The following PDE1C variants were observed in gnomAD, a reference collection of about 807,000 sequenced individuals.
PDE1C encodes the protein dual specificity calcium/calmodulin-dependent 3',5'-cyclic nucleotide phosphodiesterase 1C.
PDE1C carries 62 observed loss-of-function variants against 93.1 expected under a neutral mutation model. The observed-to-expected ratio is 0.67, with a 90% CI of 0.54 to 0.82. The LOEUF (loss-of-function observed/expected upper bound fraction) is 0.82. PDE1C is among the 40% of genes least tolerant of loss of function. PDE1C has a pLI of 0.00. For synonymous variants in PDE1C, 325 were observed against 310.1 expected (o/e 1.05, Z -0.50); for missense variants, 742 against 884.6 (o/e 0.84, Z 2.04).
chr7:31,658,139 T>G, the PDE1C span: 3 of 594,028 alleles, frequency 5.1e-6, no homozygotes, highest in East Asian at 9.4e-5. Flanking sequence ...CCTTGAGGGT[T>G]GCTCTGAACC....
chr7:31,816,295 T>G, intron 14 of PDE1C, 141 bp from the exon 15 acceptor site: 1 of 692,066 alleles, frequency 1.4e-6, no homozygotes. Context: ...ATTCATCAGA[T>G]TGGCATGTAT....
intron 2 of PDE1C, among the ~76,000 whole-genome samples, chr7:32,023,616 G>C (rs7802874): frequency 0.19 from 27,672 of 148,832 alleles, 4,113 homozygotes; most frequent in African/African-American, 0.41. Flanking sequence ...TCAGAATACT[G>C]GTATCTACAG....
intron 16 of PDE1C, among the ~76,000 whole-genome samples, chr7:31,798,709 A>C (rs1785613555): frequency 1.3e-5 from 2 of 151,748 alleles, no homozygotes; most frequent in Admixed American, 1.3e-4. Flanking sequence ...AACATCTTCT[A>C]TATCAAGGGG....
chr7:31,627,177 C>A, the PDE1C span, among the ~76,000 whole-genome samples: 1 of 152,152 alleles, frequency 6.6e-6, no homozygotes, highest in Admixed American at 6.5e-5. Context: ...CAGTATTCCC[C>A]GTTGTCCATG....
downstream of PDE1C, among the ~76,000 whole-genome samples, chr7:31,748,311 T>G (rs965714955): frequency 1.3e-5 from 2 of 152,222 alleles, no homozygotes; most frequent in Non-Finnish European, 2.9e-5. Flanking sequence ...CTTTACCTAG[T>G]GAGTCATAAG....
chr7:32,225,592 C>T (rs572053864), intron 1 of PDE1C, among the ~76,000 whole-genome samples: 1 of 152,208 alleles, frequency 6.6e-6, no homozygotes, highest in South Asian at 2.1e-4. Flanking sequence ...AATTTAAGCT[C>T]ACAACGAGAA....
intron 1 of PDE1C, among the ~76,000 whole-genome samples, chr7:32,313,069 C>T (rs975588398): frequency 2.0e-5 from 3 of 151,444 alleles, no homozygotes; most frequent in African/African-American, 4.9e-5. Flanking sequence ...AAAAAACAAA[C>T]AACCCCATCA....
At chr7:32,127,075 C>A (rs1198271420) in intron 3 of PDE1C, among the ~76,000 whole-genome samples, 1 of 152,178 alleles carries the variant, frequency 6.6e-6, no homozygotes. Context: ...ACAAAAAAGG[C>A]TGTCAATCCT....
Position 31,968,685 on chromosome 7 carries a change from C to T in PDE1C, c.128+82869G>A, listed in dbSNP as rs531559052. Among the ~76,000 whole-genome samples the T allele has an allele frequency of 3.0e-3, 451 of 152,268 alleles. 2 individuals are homozygous for T. Among genetic ancestry groups the T allele is most frequent in the Middle Eastern group, 0.02 (6 of 294 alleles). On this transcript the variant is annotated intron_variant, in intron 2 of 17. Transcript: ENST00000396191. ...TAAGCCAAAAGAACAAAGCTGGAGG[C>T]ATCATGCTACCTGACTTCAAACTAT...
At chr7:31,812,080 G>A (rs547977172) in intron 15 of PDE1C, among the ~76,000 whole-genome samples, 86 of 152,266 alleles carry the variant, frequency 5.6e-4, no homozygotes, top group Admixed American at 3.7e-3. Context: ...GAGACTTTCT[G>A]TGCAGTTATA....
intron 2 of PDE1C, among the ~76,000 whole-genome samples, chr7:31,981,570 T>C (rs759850484): frequency 3.9e-5 from 6 of 152,236 alleles, no homozygotes; most frequent in Non-Finnish European, 7.3e-5. Context: ...ATAAAGAATT[T>C]ATGAATTATG....
At chr7:32,176,663 T>C (rs1803010202) in intron 2 of PDE1C, among the ~76,000 whole-genome samples, 2 of 148,626 alleles carry the variant, frequency 1.3e-5, no homozygotes, top group Non-Finnish European at 3.0e-5. Flanking sequence ...CTACTGTATA[T>C]CATTAGAGAG....
chr7:31,977,015 G>A (rs1463080879), intron 2 of PDE1C, among the ~76,000 whole-genome samples: 1 of 152,150 alleles, frequency 6.6e-6, no homozygotes, highest in African/African-American at 2.4e-5. Context: ...TGGGTTTAAG[G>A]CTCAACAAGC....
chr7:31,981,194 A>C (rs192864347), intron 2 of PDE1C, among the ~76,000 whole-genome samples: 38 of 152,336 alleles, frequency 2.5e-4, no homozygotes, highest in African/African-American at 9.1e-4. Context: ...TATTATAATA[A>C]GCTATGTCAG....
At chr7:32,167,766 G>C (rs529746203) in intron 3 of PDE1C, among the ~76,000 whole-genome samples, 12 of 152,182 alleles carry the variant, frequency 7.9e-5, no homozygotes, top group African/African-American at 2.9e-4. Context: ...CCCTCCAAGC[G>C]TGACCAAGGA....
At chr7:32,052,470 A>G (rs987258394) in intron 1 of PDE1C, among the ~76,000 whole-genome samples, 11 of 152,174 alleles carry the variant, frequency 7.2e-5, no homozygotes, top group African/African-American at 2.7e-4. Context: ...AAGACCCTTA[A>G]AAGAGTTTCA....
At chr7:31,624,303 C>T in the PDE1C span, among the ~76,000 whole-genome samples, 39,835 of 137,780 alleles carry the variant, frequency 0.29, 6,084 homozygotes, top group Non-Finnish European at 0.34. Context: ...AAAAAGAGCC[C>T]GCATCACCAA....
rs1554399931 is a variant in PDE1C at position 31,895,991 on chromosome 7, T to TTACTTACATACATACA, written c.129-15132_129-15131insTGTATGTATGTAAGTA. On this transcript the variant is annotated intron_variant, in intron 2 of 17. Transcript: ENST00000396191. ...TGAGAACAGACTAATACACTCTCCCTTACATACATACATACATACATACAT... is the reference window on the plus strand; with the variant it reads ...TGAGAACAGACTAATACACTCTCCCTTACTTACATACATACATACATACATACATACATACATACAT... Among the ~76,000 whole-genome samples, 21 of 148,596 alleles carry TTACTTACATACATACA rather than the reference T, an allele frequency of 1.4e-4. No homozygotes were observed. The East Asian group carries it at 4.2e-3, about 30-fold the overall frequency.
At chr7:31,991,164 T>G (rs1486193712) in intron 2 of PDE1C, among the ~76,000 whole-genome samples, 1 of 152,208 alleles carries the variant, frequency 6.6e-6, no homozygotes, top group Non-Finnish European at 1.5e-5. Context: ...GTAAGCCACT[T>G]AATTGGAATG....
Sources: gnomAD v4.1 joint callset for allele counts (sites outside exome capture counted in the v4.1 genomes callset) on GRCh38, gnomAD v4.1.1 for gene constraint, MANE v1.5 for transcripts, NCBI Gene and HGNC (gene_info 2026-07-23, HGNC 2026-07-21) for gene names.